Variants in CNTROB observed in about 807,000 individuals in gnomAD.
The protein encoded by CNTROB is centrobin, centriole duplication and spindle assembly protein.
CNTROB carries 82 observed loss-of-function variants against 115.7 expected under a neutral mutation model. The observed-to-expected ratio is 0.71, with a 90% CI of 0.59 to 0.85. The LOEUF (loss-of-function observed/expected upper bound fraction) is 0.85. Among genes scored for constraint, CNTROB ranks in the 40% least tolerant of loss-of-function variants. The pLI is 0.00. For missense variants in CNTROB, 1,014 were observed against 1,144.4 expected (o/e 0.89, Z 1.64); for synonymous variants, 439 against 456.4 (o/e 0.96, Z 0.49).
rs1011875283 is a variant in CNTROB, at chr17:7,947,156, A to G, written c.1994-415A>G. ...AGCCTGGGCGACAGAGCGAGACTCC[A>G]TCTCAAAAAAAAAAAAAAAAAGAGA... On this transcript the variant is annotated intron_variant, in intron 13 of 18. Coordinates refer to ENST00000563694, the MANE Select transcript of CNTROB (RefSeq NM_053051.5). Among the ~76,000 whole-genome samples, 13 of 120,022 alleles carry G rather than the reference A, an allele frequency of 1.1e-4. No homozygotes were observed. The East Asian group carries it at 2.4e-3, about 22-fold the overall frequency. The allele number at this position is 120,022 out of a possible 152,430, so 78.7% of individuals were successfully genotyped here.
chr17:7,939,774 G>A lies in CNTROB; in HGVS notation c.1164+25G>A. 3 of 1,603,700 alleles carry A rather than the reference G, an allele frequency of 1.9e-6. No homozygotes were observed. Among genetic ancestry groups the A allele is most frequent in the South Asian group, 1.1e-5 (1 of 90,718 alleles). On this transcript the variant is annotated intron_variant, in intron 8 of 18. Coordinates refer to ENST00000563694, the MANE Select transcript of CNTROB (RefSeq NM_053051.5). The surrounding 1 kb of genome is among the most constrained non-coding windows in gnomAD (Gnocchi z 4.4). ...GGTAAAAGTGGCAGTTGGAAGAGCT[G>A]AGGAACTAGGGAGTAGATGAAGGGC... is the stretch of plus-strand genomic sequence containing the variant.
Position 7,947,642 on chromosome 17 carries a change from C to T in CNTROB, c.2065C>T (p.Pro689Ser). 6.2e-7 allele frequency: 1 copy of T among 1,614,026 alleles called. No homozygotes were observed. Among genetic ancestry groups the T allele is most frequent in the South Asian group, 1.1e-5 (1 of 91,074 alleles). Reference sequence around the variant, plus strand: ...AGAAAGGCCATTCCCTGAGGAAGATCCTGGACCTGACGGGGAGGGCCTCCT... The same window carrying T: ...AGAAAGGCCATTCCCTGAGGAAGATTCTGGACCTGACGGGGAGGGCCTCCT... The part of the protein sequence containing the change: ...RAERPFPEED[P>S]GPDGEGLLKQ... The change falls in exon 14 of 19, where the codon CCT becomes TCT. Residue 689 changes from proline to serine, a missense_variant. Pro to Ser is a moderately conservative substitution (Grantham distance 74, BLOSUM62 -1). Coordinates refer to ENST00000563694, the MANE Select transcript of CNTROB (RefSeq NM_053051.5).
chr17:7,949,273 C>G, intron 18 of CNTROB, 112 bp from the exon 19 acceptor site: 2 of 1,572,210 alleles, frequency 1.3e-6, no homozygotes, highest in Admixed American at 1.7e-5. Context: ...TGTAGCATGG[C>G]CTTTCCTCCC....
In CNTROB at chr17:7,943,424, T is replaced by C; in HGVS notation, c.1345T>C (p.Ser449Pro). 6.2e-7 allele frequency: 1 copy of C among 1,613,216 alleles called. No homozygotes were observed. The highest frequency in any genetic ancestry group is 8.5e-7 in the Non-Finnish European group (1 of 1,179,366). ...RYESQRIQLE[S>P]ELAVQLEQRV... ...TGAAAGCCAGCGGATCCAGCTGGAGTCGGAGCTGGCTGTGCAGCTGGAGCA... is the reference window on the plus strand; with the variant it reads ...TGAAAGCCAGCGGATCCAGCTGGAGCCGGAGCTGGCTGTGCAGCTGGAGCA... The change falls in exon 10 of 19, where the codon TCG becomes CCG. Residue 449 changes from serine (S) to proline (P), a missense_variant. Transcript: ENST00000563694. The surrounding 1 kb of genome is among the most constrained non-coding windows in gnomAD (Gnocchi z 4.7).
Position 7,939,249 on chromosome 17 carries a change from C to T in CNTROB, c.928-264C>T, listed in dbSNP as rs558244777. ...CTGGAATTACAGGCACCCACCACCACGCCTGGCTAATTTTTGTATTTTTAG... is the reference window on the plus strand; with the variant it reads ...CTGGAATTACAGGCACCCACCACCATGCCTGGCTAATTTTTGTATTTTTAG... On this transcript the variant is annotated intron_variant, in intron 7 of 18. Coordinates refer to ENST00000563694, the MANE Select transcript of CNTROB (RefSeq NM_053051.5). This position sits in a 1 kb window ranked among gnomAD's most constrained non-coding sequence, Gnocchi z 4.4. Among the ~76,000 whole-genome samples the T allele has an allele frequency of 5.3e-5, 8 of 151,720 alleles. No homozygotes were observed. Among genetic ancestry groups the T allele is most frequent in the South Asian group, 2.1e-4 (1 of 4,806 alleles).
Position 7,943,283 on chromosome 17 carries a change from A to G in CNTROB, c.1312-108A>G, listed in dbSNP as rs1168495665. 2.7e-6 allele frequency: 2 copies of G among 729,610 alleles called. No individual in the cohort carries two copies. The highest frequency in any genetic ancestry group is 3.6e-5 in the African/African-American group (2 of 55,874). The allele number at this position is 729,610 out of a possible 1,614,324, so 45.2% of individuals were successfully genotyped here. On this transcript the variant is annotated intron_variant, in intron 9 of 18. Coordinates refer to ENST00000563694, the MANE Select transcript of CNTROB (RefSeq NM_053051.5). The surrounding 1 kb of genome is among the most constrained non-coding windows in gnomAD (Gnocchi z 4.7). ...CCTTGAGGCAAAATTCTTGTTCTTC[A>G]TCTCATATGAGGGGAAAGTTGGTAC...
Position 7,947,589 on chromosome 17 carries a change from T to A in CNTROB, c.2012T>A (p.Leu671His). The change falls in exon 14 of 19, where the codon CTT becomes CAT. Residue 671 changes from leucine to histidine, a missense_variant. Leu to His is a moderately conservative substitution (Grantham distance 99, BLOSUM62 -3). Coordinates refer to ENST00000563694, the MANE Select transcript of CNTROB (RefSeq NM_053051.5). ...TTTATAGCTGGGGCCTTCTCTGCACTTGGGGCCTTCCATCCCGATCATAGG... is the reference window on the plus strand; with the variant it reads ...TTTATAGCTGGGGCCTTCTCTGCACATGGGGCCTTCCATCCCGATCATAGG... Reference protein sequence around the residue: ...TSSTAGAFSALGAFHPDHRAE... With the variant: ...TSSTAGAFSAHGAFHPDHRAE... The A allele has an allele frequency of 6.2e-7, 1 of 1,610,128 alleles. No individual in the cohort carries two copies. The highest frequency in any genetic ancestry group is 8.5e-7 in the Non-Finnish European group (1 of 1,177,056).
chr17:7,937,443 C>T (rs764386159), intron 7 of CNTROB, among the ~76,000 whole-genome samples, 181 bp downstream of exon 7: 13 of 152,158 alleles, frequency 8.5e-5, no homozygotes, highest in Admixed American at 6.6e-4. Context: ...GGCTCTGCTA[C>T]CAAGTCGGTT....
In CNTROB at chr17:7,940,208, G is replaced by T; in HGVS notation, c.1277G>T (p.Arg426Ile). ...EGELDTARRE[R>I]DALQLEMSLV... ...GAGCTGGATACAGCTCGGAGAGAGA[G>T]AGATGCCCTGCAGCTGGAAATGAGC... is the stretch of plus-strand genomic sequence containing the variant. Residue 426 changes from arginine to isoleucine, a missense_variant, in exon 9 of 19, where the codon AGA (arginine) becomes ATA (isoleucine). Coordinates refer to ENST00000563694, the MANE Select transcript of CNTROB (RefSeq NM_053051.5). 6.2e-7 allele frequency: 1 copy of T among 1,611,262 alleles called. No homozygotes were observed. Among genetic ancestry groups the T allele is most frequent in the Admixed American group, 1.7e-5 (1 of 59,812 alleles).
chr17:7,941,142 C>T lies in CNTROB; in HGVS notation c.1311+900C>T, dbSNP rs117520907. Among the ~76,000 whole-genome samples, 624 of 152,300 alleles carry T rather than the reference C, an allele frequency of 4.1e-3. 2 individuals are homozygous for T. The highest frequency in any genetic ancestry group is 0.017 in the Middle Eastern group (5 of 292). ...ATTGCATTAGGACTTAGGGCACTTA[C>T]GTCTACTTCTAGCTAGAATTTTGAC... On this transcript the variant is annotated intron_variant, in intron 9 of 18. Coordinates refer to ENST00000563694, the MANE Select transcript of CNTROB (RefSeq NM_053051.5).
chr17:7,940,918 A>T (rs1973778752), intron 9 of CNTROB, among the ~76,000 whole-genome samples: 2 of 152,142 alleles, frequency 1.3e-5, no homozygotes, highest in Admixed American at 1.3e-4. Flanking sequence ...CAACTACCCA[A>T]CTCTGCTGTT....
rs1309157293 is a variant in CNTROB at position 7,932,728 on chromosome 17, G to C, written c.-352G>C. 5 of 247,648 alleles carry C rather than the reference G, an allele frequency of 2.0e-5. No homozygotes were observed. The Admixed American group carries it at 2.2e-4, about 11-fold the overall frequency. The allele number at this position is 247,648 out of a possible 1,614,324, so 15.3% of individuals were successfully genotyped here. A position where few individuals can be genotyped will look rare whatever the true frequency, so the allele number is the denominator to read the frequency against. On this transcript the variant is annotated 5_prime_UTR_variant, in exon 1 of 19. Coordinates refer to ENST00000563694, the MANE Select transcript of CNTROB (RefSeq NM_053051.5). ...GAGCTCAGTTGACCGGGGATAGCCT[G>C]TGCCGGAGTTGATCTGCAGCTTCCA... is the stretch of plus-strand genomic sequence containing the variant.
At chr17:7,949,305 C>T in intron 18 of CNTROB, 80 bp from the exon 19 acceptor site, 1 of 1,599,242 alleles carries the variant, frequency 6.3e-7, no homozygotes. Flanking sequence ...CTGGCCCTCT[C>T]CACGTGCATT....
intron 14 of CNTROB, 42 bp downstream of exon 14, chr17:7,947,764 C>G: frequency 6.2e-7 from 1 of 1,600,388 alleles, no homozygotes; most frequent in Non-Finnish European, 8.5e-7. Flanking sequence ...TTCTTCTTCC[C>G]TTTCTCCTTT....
chr17:7,934,690 A>G (rs1468436574), intron 3 of CNTROB, 144 bp downstream of exon 3: 14 of 780,824 alleles, frequency 1.8e-5, no homozygotes, highest in Non-Finnish European at 2.5e-5. Flanking sequence ...ATCTTTTTCT[A>G]CTGTCTCCTG....
At chr17:7,934,443 G>T in intron 2 of CNTROB, 22 bp from the exon 3 acceptor site, 1 of 1,612,130 alleles carries the variant, frequency 6.2e-7, no homozygotes, top group Non-Finnish European at 8.5e-7. Context: ...TCTGGCTTTG[G>T]GGTCCCTCTG....
intron 3 of CNTROB, 82 bp downstream of exon 3, chr17:7,934,628 C>T (rs1972926098): frequency 7.3e-6 from 9 of 1,229,558 alleles, no homozygotes; most frequent in Non-Finnish European, 1.1e-5. Context: ...CCCTTTATTG[C>T]TTTTGTACCT....
chr17:7,947,648 C>G lies in CNTROB; in HGVS notation c.2071C>G (p.Pro691Ala). ...ERPFPEEDPG[P>A]DGEGLLKQGL... ...GCCATTCCCTGAGGAAGATCCTGGA[C>G]CTGACGGGGAGGGCCTCCTAAAGCA... Residue 691 changes from proline (P) to alanine (A), a missense_variant, in exon 14 of 19, where the codon CCT (proline) becomes GCT (alanine). Pro to Ala is a conservative substitution (Grantham distance 27). Coordinates refer to ENST00000563694, the MANE Select transcript of CNTROB (RefSeq NM_053051.5). 1.2e-6 allele frequency: 2 copies of G among 1,614,022 alleles called. No homozygotes were observed. Among genetic ancestry groups the G allele is most frequent in the Non-Finnish European group, 1.7e-6 (2 of 1,179,878 alleles).
rs372689651 is a variant in CNTROB, at chr17:7,939,503, G to T, written c.928-10G>T. The T allele has an allele frequency of 3.7e-6, 6 of 1,612,760 alleles. No homozygotes were observed. The highest frequency in any genetic ancestry group is 1.3e-5 in the African/African-American group (1 of 74,908). On this transcript the variant is annotated splice_polypyrimidine_tract_variant and intron_variant, in intron 7 of 18. Transcript: ENST00000563694. This position sits in a 1 kb window ranked among gnomAD's most constrained non-coding sequence, Gnocchi z 4.4. ...CTACTAAGGAGCTTGGTTTTCTTCT[G>T]CGGCTGTAGGAGGAGGAAAGGCAAG...
Sources: allele counts gnomAD v4.1 joint callset (sites outside exome capture counted in the v4.1 genomes callset), GRCh38; gene constraint gnomAD v4.1.1; non-coding constraint Gnocchi (gnomAD v3.1); transcripts MANE v1.5; gene names NCBI Gene and HGNC (gene_info 2026-07-23, HGNC 2026-07-21).